PIGN: variants seen among roughly 807,000 people sequenced by gnomAD.
PIGN encodes the protein phosphatidylinositol glycan anchor biosynthesis class N.
A neutral mutation model predicts 125.4 loss-of-function variants in PIGN; 117 were observed. The ratio of observed to expected loss-of-function variants is 0.93; its 90% CI spans 0.80 to 1.09. The LOEUF (loss-of-function observed/expected upper bound fraction) is 1.09. Among genes scored for constraint, PIGN ranks in the 50% least tolerant of loss-of-function variants. PIGN has a pLI of 0.00. For synonymous variants in PIGN, 392 were observed against 377.8 expected (o/e 1.04, Z -0.44); for missense variants, 1,075 against 1,094.9 (o/e 0.98, Z 0.26).
chr18:62,130,309 T>C (rs1051611181), intron 14 of PIGN, among the ~76,000 whole-genome samples: 5 of 152,206 alleles, frequency 3.3e-5, no homozygotes, highest in Admixed American at 6.5e-5. Context: ...CAAATTCAGA[T>C]TGCCCACAAG....
At chr18:62,134,702 T>C (rs2147069256) in intron 14 of PIGN, among the ~76,000 whole-genome samples, 1 of 152,362 alleles carries the variant, frequency 6.6e-6, no homozygotes, top group East Asian at 1.9e-4. Context: ...AGTTTTATGC[T>C]ACAATTAGAT....
At chr18:62,022,047 T>C (rs2030059985) in intron 23 of PIGN, among the ~76,000 whole-genome samples, 1 of 152,212 alleles carries the variant, frequency 6.6e-6, no homozygotes, top group African/African-American at 2.4e-5. Flanking sequence ...GCCCTGGCCA[T>C]GTGGCCCTTC....
At chr18:62,159,115 G>A (rs1464766207) in intron 4 of PIGN, among the ~76,000 whole-genome samples, 1 of 152,080 alleles carries the variant, frequency 6.6e-6, no homozygotes, top group Non-Finnish European at 1.5e-5. Flanking sequence ...GTGGTGGCAC[G>A]TGCCTGTAAT....
rs1336594002 is a variant in PIGN, at chr18:62,050,275, A to G, written c.2673-4296T>C. On this transcript the variant is annotated intron_variant, in intron 30 of 30. Transcript: ENST00000640252. ...GCTTAATGGGGATGGCATTGAATCT[A>G]TAAATTACCTTGGGCAGTATGGCCA... Among the ~76,000 whole-genome samples, 52 of 152,258 alleles carry G rather than the reference A, an allele frequency of 3.4e-4. No homozygotes were observed. In the East Asian group the frequency reaches 0.01, roughly 29 times the overall value.
Position 62,048,530 on chromosome 18 carries a change from C to T in PIGN, c.2673-2551G>A, listed in dbSNP as rs565000370. 2.6e-5 allele frequency among the ~76,000 whole-genome samples: 4 copies of T among 151,734 alleles called. No homozygotes were observed. In the East Asian group the frequency reaches 5.8e-4, roughly 22 times the overall value. ...ATGGAAACCAGCAGAAAATGGTGCACCATTTTTCAAGTGTTGAAAGAAAAA... is the reference window on the plus strand; with the variant it reads ...ATGGAAACCAGCAGAAAATGGTGCATCATTTTTCAAGTGTTGAAAGAAAAA... On this transcript the variant is annotated intron_variant, in intron 30 of 30. Transcript: ENST00000640252.
chr18:62,020,795 TAAAAAAA>T (rs58826066), intron 23 of PIGN, among the ~76,000 whole-genome samples: 1 of 140,984 alleles, frequency 7.1e-6, no homozygotes, highest in Non-Finnish European at 1.6e-5. Context: ...CTAAAAATAT[TAAAAAAA>T]AAAAAAAAAT....
At chr18:62,024,615 C>A (rs951344783) in intron 23 of PIGN, among the ~76,000 whole-genome samples, 3 of 152,142 alleles carry the variant, frequency 2.0e-5, no homozygotes, top group African/African-American at 7.2e-5. Context: ...CTTGTCAGGG[C>A]CCCCCTTGTT....
intron 10 of PIGN, among the ~76,000 whole-genome samples, chr18:62,145,008 C>CG (rs33928407): frequency 3.3e-4 from 47 of 142,104 alleles, no homozygotes; most frequent in African/African-American, 5.3e-4. Context: ...AGGAAACTGG[C>CG]GGGGGGGGGG....
intron 30 of PIGN, among the ~76,000 whole-genome samples, chr18:62,067,581 A>G (rs2032595673): frequency 6.6e-6 from 1 of 152,054 alleles, no homozygotes; most frequent in Non-Finnish European, 1.5e-5. Flanking sequence ...TACACTATAT[A>G]CTCTTACATA....
intron 23 of PIGN, among the ~76,000 whole-genome samples, chr18:62,091,097 C>A (rs758041048): frequency 1.1e-3 from 164 of 152,242 alleles, no homozygotes; most frequent in Middle Eastern, 3.4e-3. Context: ...TGCCTGTAAT[C>A]CCAGCACTTT....
Position 62,148,267 on chromosome 18 carries a change from GA to G in PIGN, c.620del (p.Phe207SerfsTer5), listed in dbSNP as rs1237915292. 7.2e-6 allele frequency: 11 copies of G among 1,534,380 alleles called. No homozygotes were observed. The highest frequency in any genetic ancestry group is 9.7e-6 in the Non-Finnish European group (11 of 1,137,984). ...TTGTATCTATTCCTAATAAATGTAAGAAAAAAACTATTTTCTCTTCATTTAT... is the reference window on the plus strand; with the variant it reads ...TTGTATCTATTCCTAATAAATGTAAGAAAAAACTATTTTCTCTTCATTTAT... ...SKINEEKIVF[F>X]LHLLGIDTNG... is the part of the protein sequence containing the mutation. On this transcript the variant is annotated frameshift_variant, in exon 8 of 31. Coordinates refer to ENST00000640252, the MANE Select transcript of PIGN (RefSeq NM_176787.5). LOFTEE classifies it high-confidence loss of function.
chr18:62,163,027 T>A (rs1198111968), intron 2 of PIGN, among the ~76,000 whole-genome samples: 1 of 152,154 alleles, frequency 6.6e-6, no homozygotes, highest in Non-Finnish European at 1.5e-5. Flanking sequence ...ATTAGAAACA[T>A]GTAAATAACT....
intron 15 of PIGN, 29 bp downstream of exon 15, chr18:62,114,532 A>C (rs746211930): frequency 3.0e-6 from 4 of 1,319,386 alleles, no homozygotes; most frequent in African/African-American, 1.5e-5. Flanking sequence ...ATAATCAGCT[A>C]TTTATGTCTA....
chr18:62,038,514 G>A (rs2144910314), downstream of PIGN, among the ~76,000 whole-genome samples: 1 of 152,112 alleles, frequency 6.6e-6, no homozygotes, highest in South Asian at 2.1e-4. Context: ...TGGTGAGAAG[G>A]GTCATAAAAA....
intron 28 of PIGN, among the ~76,000 whole-genome samples, chr18:62,076,570 T>C (rs2033183527): frequency 6.6e-6 from 1 of 152,204 alleles, no homozygotes; most frequent in South Asian, 2.1e-4. Flanking sequence ...ACTCTTCGCC[T>C]AACCCAAATC....
At chr18:62,175,036 ATAT>A (rs1568259866) in intron 1 of PIGN, among the ~76,000 whole-genome samples, 2 of 145,132 alleles carry the variant, frequency 1.4e-5, no homozygotes, top group South Asian at 2.1e-4. Flanking sequence ...TATTAGATAT[ATAT>A]TATAAATATA....
chr18:62,128,318 A>T (rs2035611818), intron 14 of PIGN, among the ~76,000 whole-genome samples: 1 of 152,230 alleles, frequency 6.6e-6, no homozygotes, highest in Non-Finnish European at 1.5e-5. Context: ...ATCTTTGGAG[A>T]TGATGAGATT....
rs1355691128 is a variant in PIGN, at chr18:62,041,640, G to GGGGTGTGTGTGTGTGTGTGT, written c.*4215_*4216insACACACACACACACACACCC. On this transcript the variant is annotated 3_prime_UTR_variant, in exon 31 of 31. Coordinates refer to ENST00000640252, the MANE Select transcript of PIGN (RefSeq NM_176787.5). ...ATTACAGGAGCCTACCACCCCGCCG[G>GGGGTGTGTGTGTGTGTGTGT]GTGTGTGTGTGTGTGTGTGTGTGTG... 24 of 77,538 alleles carry GGGGTGTGTGTGTGTGTGTGT rather than the reference G, an allele frequency of 3.1e-4. 1 individual carries two copies. The highest frequency in any genetic ancestry group is 5.9e-4 in the South Asian group (1 of 1,700). The allele number at this position is 77,538 out of a possible 1,614,324, so 4.8% of individuals were successfully genotyped here.
chr18:62,043,665 A>G lies in PIGN; in HGVS notation c.*2191T>C, dbSNP rs1284571396. On this transcript the variant is annotated 3_prime_UTR_variant, in exon 31 of 31. Transcript: ENST00000640252. ...CTGTACACTAAGTATAATAATTAAC[A>G]TATTGGAAAATGACAGACAAGCTGC... is the stretch of plus-strand genomic sequence containing the variant. 6.6e-6 allele frequency: 1 copy of G among 152,230 alleles called. No individual in the cohort carries two copies. The highest frequency in any genetic ancestry group is 2.1e-4 in the South Asian group (1 of 4,838). 9.4% of individuals were successfully genotyped at this position (152,230 alleles called of 1,614,324 possible).
Sources: gnomAD v4.1 joint callset for allele counts (sites outside exome capture counted in the v4.1 genomes callset) on GRCh38, gnomAD v4.1.1 for gene constraint, MANE v1.5 for transcripts, NCBI Gene and HGNC (gene_info 2026-07-23, HGNC 2026-07-21) for gene names.